Variants in ZNF613 observed in about 807,000 individuals in gnomAD.
ZNF613 encodes zinc finger protein 613.
A neutral mutation model predicts 14.3 loss-of-function variants in ZNF613; 8 were observed. The ratio of observed to expected loss-of-function variants is 0.56; its 90% CI spans 0.33 to 1.01. The LOEUF (loss-of-function observed/expected upper bound fraction) is 1.01. Among genes scored for constraint, ZNF613 ranks in the 50% least tolerant of loss-of-function variants. The probability of loss-of-function intolerance (pLI) is 0.03; values close to 1 mark genes in which losing one functional copy is unlikely to be tolerated. For missense variants in ZNF613, 656 were observed against 741.9 expected, an observed-to-expected ratio of 0.88 and a Z score of 1.35; for synonymous variants, 228 against 254.5, an observed-to-expected ratio of 0.90 and a Z score of 0.99.
chr19:51,944,337 A>C lies in ZNF613; in HGVS notation c.454A>C (p.Lys152Gln), dbSNP rs527588627. 57 of 1,593,796 alleles carry C rather than the reference A, an allele frequency of 3.6e-5. No individual in the cohort carries two copies. The South Asian group carries it at 5.9e-4, about 17-fold the overall frequency. ...LVNQNKRYEIKNSVGVNGDGK... is the reference protein window; with the variant it reads ...LVNQNKRYEIQNSVGVNGDGK... ...CAACCAGAACAAAAGGTATGAAATC[A>C]AGAATTCTGTGGGGGTTAATGGAGA... The change falls in exon 6 of 6, where the codon AAG becomes CAG. Residue 152 changes from lysine to glutamine, a missense_variant. Physicochemically the swap from Lys to Gln is moderately conservative, Grantham distance 53. Coordinates refer to ENST00000293471, the MANE Select transcript of ZNF613 (RefSeq NM_001031721.4).
chr19:51,932,402 C>T (rs890103639), intron 2 of ZNF613, among the ~76,000 whole-genome samples: 1 of 150,826 alleles, frequency 6.6e-6, no homozygotes, highest in African/African-American at 2.4e-5. Flanking sequence ...CTCTGCCTCC[C>T]GGGTTCAAGC....
chr19:51,937,803 T>C lies in ZNF613; in HGVS notation c.15+1568T>C, dbSNP rs183632672. ...GGAGTGCAGTAGTGCCATCTTGGCC[T>C]ACCACAACCTCTGCCTCCCAGGCTG... On this transcript the variant is annotated intron_variant, in intron 3 of 5. Coordinates refer to ENST00000293471, the MANE Select transcript of ZNF613 (RefSeq NM_001031721.4). Among the ~76,000 whole-genome samples, 644 of 145,586 alleles carry C rather than the reference T, an allele frequency of 4.4e-3. 3 individuals carry two copies. The highest frequency in any genetic ancestry group is 0.015 in the African/African-American group (596 of 39,436).
intron 4 of ZNF613, 33 bp downstream of exon 4, chr19:51,940,368 T>TG: frequency 6.2e-7 from 1 of 1,612,566 alleles, no homozygotes; most frequent in Non-Finnish European, 8.5e-7. Flanking sequence ...ACTCAGAGAG[T>TG]ACCCAGTCAA....
chr19:51,943,605 T>A (rs1175622098), intron 5 of ZNF613, among the ~76,000 whole-genome samples: 2 of 152,246 alleles, frequency 1.3e-5, no homozygotes, highest in Non-Finnish European at 2.9e-5. Flanking sequence ...TATTATTTGT[T>A]ATTGTTAATC....
At position 51,937,172 on chromosome 19, in the gene ZNF613, G is replaced by T. The variant is rs75610765; in HGVS notation, c.15+937G>T. ...CAGTAATAGTAAAGTGCTTTCCTGA[G>T]CTCTGTGAGTTGTTCTAGTAGATTA... is the stretch of plus-strand genomic sequence containing the variant. On this transcript the variant is annotated intron_variant, in intron 3 of 5. Transcript: ENST00000293471. Among the ~76,000 whole-genome samples the T allele has an allele frequency of 3.9e-3, 596 of 152,314 alleles. 4 individuals carry two copies. Among genetic ancestry groups the T allele is most frequent in the African/African-American group, 0.013 (560 of 41,574 alleles).
intron 3 of ZNF613, among the ~76,000 whole-genome samples, chr19:51,939,334 A>G (rs889690690): frequency 2.0e-5 from 3 of 150,612 alleles, no homozygotes; most frequent in African/African-American, 7.3e-5. Context: ...ATTTTTATTT[A>G]TGTATTTATT....
rs748933312 is a variant in ZNF613 at position 51,940,248 on chromosome 19, T to C, written c.55T>C (p.Trp19Arg). ...GGAGGATGTGGCTGTGGAGTTCACT[T>C]GGGAGGAGTGGCAGCTCCTCGGCCC... ...TLEDVAVEFT[W>R]EEWQLLGPAQ... Residue 19 changes from tryptophan to arginine, a missense_variant, in exon 4 of 6, where the codon TGG becomes CGG. Transcript: ENST00000293471. 1.9e-6 allele frequency: 3 copies of C among 1,613,750 alleles called. No individual in the cohort carries two copies. Among genetic ancestry groups the C allele is most frequent in the South Asian group, 2.2e-5 (2 of 91,068 alleles).
In ZNF613 at chr19:51,944,802, CAG is replaced by C. The variant is rs748275075; in HGVS notation, c.924_925del (p.Arg308SerfsTer25). The part of the protein sequence containing the change: ...FIKKSRLINH[Q>X]RVHTGEKPHG... ...CAAGAAGTCTCGGCTCATTAATCAT[CAG>C]AGAGTTCATACAGGAGAGAAACCAC... On this transcript the variant is annotated frameshift_variant, in exon 6 of 6. Transcript: ENST00000293471. LOFTEE classifies it low-confidence loss of function (END_TRUNC). The C allele has an allele frequency of 1.9e-6, 3 of 1,613,598 alleles. No individual in the cohort carries two copies. The South Asian group carries it at 3.3e-5, about 18-fold the overall frequency.
intron 2 of ZNF613, among the ~76,000 whole-genome samples, chr19:51,930,998 A>G (rs906032664): frequency 2.0e-5 from 3 of 152,096 alleles, no homozygotes; most frequent in African/African-American, 7.2e-5. Flanking sequence ...TTTGATTTGC[A>G]TTTCTCTGGA....
chr19:51,945,308 G>A lies in ZNF613; in HGVS notation c.1425G>A (p.Gln475=). Residue 475 remains glutamine (Q), a synonymous_variant, in exon 6 of 6, where the codon CAG becomes CAA. Transcript: ENST00000293471. ...CSHKSGLINH[Q]RIHTGEKPYT... ...ACAAGTCAGGTCTCATTAACCACCA[G>A]AGAATTCACACAGGAGAGAAACCCT... 2 of 1,614,102 alleles carry A rather than the reference G, an allele frequency of 1.2e-6. No homozygotes were observed. Among genetic ancestry groups the A allele is most frequent in the Non-Finnish European group, 1.7e-6 (2 of 1,180,008 alleles).
chr19:51,945,562 G>A lies in ZNF613; in HGVS notation c.1679G>A (p.Arg560His), dbSNP rs745563424. The A allele has an allele frequency of 5.4e-5, 87 of 1,614,006 alleles. No homozygotes were observed. The highest frequency in any genetic ancestry group is 6.9e-5 in the Non-Finnish European group (82 of 1,180,020). Residue 560 changes from arginine to histidine, a missense_variant, in exon 6 of 6, where the codon CGT becomes CAT. Physicochemically the swap from Arg to His is conservative, Grantham distance 29. Coordinates refer to ENST00000293471, the MANE Select transcript of ZNF613 (RefSeq NM_001031721.4). ...GAGAGTCATAGCTTATCACATACAC[G>A]TGATCTCATACAGGATAAAGACTCT... ...CSESHSLSHT[R>H]DLIQDKDSVN...
intron 3 of ZNF613, among the ~76,000 whole-genome samples, chr19:51,937,544 C>T (rs1366422168): frequency 1.3e-5 from 2 of 152,052 alleles, no homozygotes; most frequent in South Asian, 2.1e-4. Context: ...TAGCTGTCAC[C>T]TTCTGTCTAA....
intron 3 of ZNF613, among the ~76,000 whole-genome samples, chr19:51,938,512 A>C (rs2085321778): frequency 6.6e-6 from 1 of 151,976 alleles, no homozygotes; most frequent in African/African-American, 2.4e-5. Flanking sequence ...CTCTGTATGA[A>C]CAGGTGGCTG....
intron 4 of ZNF613, 101 bp downstream of exon 4, chr19:51,940,436 G>T: frequency 6.3e-7 from 1 of 1,589,708 alleles, no homozygotes; most frequent in Non-Finnish European, 8.6e-7. Context: ...CTCTGAAGTG[G>T]TAGATTCTGT....
chr19:51,941,617 T>A (rs1297332444), intron 5 of ZNF613, among the ~76,000 whole-genome samples: 1 of 152,202 alleles, frequency 6.6e-6, no homozygotes, highest in East Asian at 1.9e-4. Context: ...TTTTGCTCTG[T>A]TCTCATATCC....
At chr19:51,931,785 CAACT>C (rs1380145674) in intron 2 of ZNF613, among the ~76,000 whole-genome samples, 1 of 152,190 alleles carries the variant, frequency 6.6e-6, no homozygotes, top group East Asian at 1.9e-4. Context: ...CCCTGGCAAC[CAACT>C]ATGTGCTTTC....
In ZNF613 at chr19:51,945,139, G is replaced by A. The variant is rs138087596; in HGVS notation, c.1256G>A (p.Arg419Gln). Residue 419 changes from arginine to glutamine, a missense_variant, in exon 6 of 6, where the codon CGA becomes CAA. By Grantham distance (43) the Arg-to-Gln change is conservative. Transcript: ENST00000293471. Reference sequence around the variant, plus strand: ...CAAAAGGGCAACCTCCTTATTCATCGACGTACTCACACTGGAGAGAAACCC... The same window carrying A: ...CAAAAGGGCAACCTCCTTATTCATCAACGTACTCACACTGGAGAGAAACCC... Reference protein sequence around the residue: ...FIQKGNLLIHRRTHTGEKPYV... With the variant: ...FIQKGNLLIHQRTHTGEKPYV... 806 of 1,614,008 alleles carry A rather than the reference G, an allele frequency of 5.0e-4. 1 individual carries two copies. In the African/African-American group the frequency reaches 7.3e-3, roughly 15 times the overall value.
In ZNF613 at chr19:51,941,814, A is replaced by G. The variant is rs374968634; in HGVS notation, c.235+1105A>G. On this transcript the variant is annotated intron_variant, in intron 5 of 5. Transcript: ENST00000293471. ...TTGAAACTTCCCTGCCTCCTCAGCTACCGTATTTAAAGTCTTTGCTCTTTC... is the reference window on the plus strand; with the variant it reads ...TTGAAACTTCCCTGCCTCCTCAGCTGCCGTATTTAAAGTCTTTGCTCTTTC... 3.5e-3 allele frequency among the ~76,000 whole-genome samples: 538 copies of G among 152,292 alleles called. 5 individuals are homozygous for G. Among genetic ancestry groups the G allele is most frequent in the Middle Eastern group, 0.014 (4 of 294 alleles).
intron 3 of ZNF613, among the ~76,000 whole-genome samples, chr19:51,937,420 C>T (rs2085312700): frequency 6.6e-6 from 1 of 152,122 alleles, no homozygotes; most frequent in Non-Finnish European, 1.5e-5. Context: ...TTGATGTGAG[C>T]AAAAACCCAC....
Sources: allele counts gnomAD v4.1 joint callset (sites outside exome capture counted in the v4.1 genomes callset), GRCh38; gene constraint gnomAD v4.1.1; transcripts MANE v1.5; gene names NCBI Gene and HGNC (gene_info 2026-07-23, HGNC 2026-07-21).